MAST3: variants seen among roughly 807,000 people sequenced by gnomAD.
MAST3 encodes microtubule associated serine/threonine kinase 3, also known as microtubule-associated serine/threonine-protein kinase 3.
Under a neutral mutation model 127.0 loss-of-function variants are expected in MAST3, and 43 were observed. That is an observed-to-expected ratio of 0.34 (90% CI 0.27 to 0.44). The LOEUF (loss-of-function observed/expected upper bound fraction) is 0.44, where lower values mean the gene tolerates loss of function less well. Ranked by LOEUF, MAST3 falls within the 20% of genes least tolerant of loss-of-function variation. The probability of loss-of-function intolerance (pLI) is 1.00; values close to 1 mark genes in which losing one functional copy is unlikely to be tolerated. For synonymous variants in MAST3, 785 were observed against 809.2 expected (o/e 0.97, Z 0.51); for missense variants, 1,390 against 1,919.1 (o/e 0.72, Z 5.15).
intron 1 of MAST3, among the ~76,000 whole-genome samples, chr19:18,100,579 T>A (rs1276186554): frequency 6.6e-6 from 1 of 152,160 alleles, no homozygotes; most frequent in African/African-American, 2.4e-5. Flanking sequence ...ATTAACAGGC[T>A]AAGCCCTCTC....
rs1017386646 is a variant in MAST3, at chr19:18,118,355, T to A, written c.162-3330T>A. On this transcript the variant is annotated intron_variant, in intron 3 of 27. Coordinates refer to ENST00000687212, the MANE Select transcript of MAST3 (RefSeq NM_001393504.1). ...CGTGGCGCGGACCACGGCGAGCGTC[T>A]GTCTGTGGCAGCAGTGGGAAGGGGG... 3 of 695,818 alleles carry A rather than the reference T, an allele frequency of 4.3e-6. No homozygotes were observed. In the African/African-American group the frequency reaches 5.8e-5, roughly 13 times the overall value. 43.1% of individuals were successfully genotyped at this position (695,818 alleles called of 1,614,324 possible).
rs758174390 is a variant in MAST3 at position 18,131,970 on chromosome 19, G to C, written c.1494G>C (p.Leu498=). Residue 498 remains leucine, a synonymous_variant, in exon 15 of 28, where the codon CTG becomes CTC. Transcript: ENST00000687212. ...MGPLPVDMAR[L]YFAETVLALE... is the part of the protein sequence containing the mutation. ...CGCTGCCCGTGGACATGGCCCGCCT[G>C]TACTTCGCCGAGACGGTGTTGGCGC... 3 of 1,613,934 alleles carry C rather than the reference G, an allele frequency of 1.9e-6. No individual in the cohort carries two copies. Among genetic ancestry groups the C allele is most frequent in the African/African-American group, 1.3e-5 (1 of 74,950 alleles).
intron 20 of MAST3, among the ~76,000 whole-genome samples, chr19:18,139,969 G>A (rs1393784662): frequency 2.7e-5 from 4 of 149,594 alleles, no homozygotes; most frequent in South Asian, 2.1e-4. Context: ...ACAGGTGCCC[G>A]CCACCACGCC....
intron 19 of MAST3, 70 bp downstream of exon 19, chr19:18,137,431 G>C: frequency 6.5e-7 from 1 of 1,533,544 alleles, no homozygotes; most frequent in South Asian, 1.2e-5. Flanking sequence ...GGGGCAGAGG[G>C]CTGTGTGCCA....
chr19:18,100,212 C>A (rs982373096), intron 1 of MAST3, among the ~76,000 whole-genome samples: 6 of 151,028 alleles, frequency 4.0e-5, no homozygotes, highest in Non-Finnish European at 8.8e-5. Flanking sequence ...GCAACCTCCA[C>A]CTCCCGGGTT....
intron 11 of MAST3, among the ~76,000 whole-genome samples, chr19:18,125,830 C>G (rs1195458487): frequency 6.6e-6 from 1 of 151,556 alleles, no homozygotes; most frequent in African/African-American, 2.4e-5. Context: ...GAGACTGAGG[C>G]GGGTGGATCA....
chr19:18,103,501 G>T (rs1203355088), intron 1 of MAST3, among the ~76,000 whole-genome samples: 1 of 152,020 alleles, frequency 6.6e-6, no homozygotes, highest in Non-Finnish European at 1.5e-5. Context: ...TCGCACCATT[G>T]CCCTCCAGCC....
chr19:18,129,113 C>T (rs2040979453), intron 13 of MAST3, 162 bp downstream of exon 13: 8 of 653,108 alleles, frequency 1.2e-5, no homozygotes, highest in African/African-American at 3.6e-5. Context: ...AGTGGAGACA[C>T]GCCATAGCGA....
chr19:18,130,749 C>T (rs376718917), intron 14 of MAST3, 47 bp downstream of exon 14: 2 of 1,571,884 alleles, frequency 1.3e-6, no homozygotes, highest in Admixed American at 1.8e-5. Context: ...GGAGCTCACC[C>T]CTCCACGCCT....
In MAST3 at chr19:18,110,746, G is replaced by A. The variant is rs552238957; in HGVS notation, c.161+5G>A. The A allele has an allele frequency of 1.0e-6, 1 of 984,862 alleles. No individual in the cohort carries two copies. The highest frequency in any genetic ancestry group is 4.7e-5 in the South Asian group (1 of 21,276). 61.0% of individuals were successfully genotyped at this position (984,862 alleles called of 1,614,324 possible). On this transcript the variant is annotated splice_donor_5th_base_variant and intron_variant, in intron 3 of 27. Transcript: ENST00000687212. This position sits in a 1 kb window ranked among gnomAD's most constrained non-coding sequence, Gnocchi z 4.3. Reference sequence around the variant, plus strand: ...CTTGGGCCTGCACCCCTGGAGGTAAGTGACAGCGCGTGTGGGCGGGGCGCA... The same window carrying A: ...CTTGGGCCTGCACCCCTGGAGGTAAATGACAGCGCGTGTGGGCGGGGCGCA...
Position 18,145,611 on chromosome 19 carries a change from C to T in MAST3, c.3040-132C>T. On this transcript the variant is annotated intron_variant, in intron 24 of 27. Transcript: ENST00000687212. This position sits in a 1 kb window ranked among gnomAD's most constrained non-coding sequence, Gnocchi z 5.9. ...GCTTTGATGGGTGAGTAGGAGTTCC[C>T]CCAGGATCAGGGAAACTGAGACAGC... is the stretch of plus-strand genomic sequence containing the variant. 2 of 1,153,510 alleles carry T rather than the reference C, an allele frequency of 1.7e-6. No homozygotes were observed. The highest frequency in any genetic ancestry group is 1.2e-6 in the Non-Finnish European group (1 of 845,724). 71.5% of individuals were successfully genotyped at this position (1,153,510 alleles called of 1,614,324 possible).
chr19:18,130,065 C>T (rs1483966534), intron 13 of MAST3, among the ~76,000 whole-genome samples: 3 of 152,030 alleles, frequency 2.0e-5, no homozygotes, highest in South Asian at 2.1e-4. Context: ...GCCTCCACAA[C>T]ATAGCGAGAC....
chr19:18,143,682 TAA>T, intron 21 of MAST3, 79 bp from the exon 22 acceptor site: 2 of 1,560,506 alleles, frequency 1.3e-6, no homozygotes, highest in Non-Finnish European at 1.7e-6. Flanking sequence ...GACTGAGAGT[TAA>T]GATGTGGCCA....
rs745567585 is a variant in MAST3, at chr19:18,139,073, A to G, written c.2154A>G (p.Glu718=). Residue 718 remains glutamate (E), a synonymous_variant, in exon 20 of 28, where the codon GAA becomes GAG. Transcript: ENST00000687212. ...AGGACGACGAGACCAATGATGAAGA[A>G]TCGTCCACAGAGATCCCCCAGTTCT... ...GSEDDETNDE[E]SSTEIPQFSS... 2 of 1,605,416 alleles carry G rather than the reference A, an allele frequency of 1.2e-6. No individual in the cohort carries two copies. The highest frequency in any genetic ancestry group is 8.5e-7 in the Non-Finnish European group (1 of 1,176,136).
At position 18,150,788 on chromosome 19, in the gene MAST3, G is replaced by A. The variant is rs2043475815; in HGVS notation, c.*1062G>A. On this transcript the variant is annotated 3_prime_UTR_variant, in exon 28 of 28. Coordinates refer to ENST00000687212, the MANE Select transcript of MAST3 (RefSeq NM_001393504.1). ...GGTGTTCACCGGATCTGGGCAGAGG[G>A]GTCATCCGCTCCCCAGGTGGGCACT... is the stretch of plus-strand genomic sequence containing the variant. 1 of 152,280 alleles carries A rather than the reference G, an allele frequency of 6.6e-6. No individual in the cohort carries two copies. The highest frequency in any genetic ancestry group is 2.4e-5 in the African/African-American group (1 of 41,460). 9.4% of individuals were successfully genotyped at this position (152,280 alleles called of 1,614,324 possible).
chr19:18,117,602 G>A (rs952152045), intron 3 of MAST3, among the ~76,000 whole-genome samples: 2 of 152,188 alleles, frequency 1.3e-5, no homozygotes, highest in Non-Finnish European at 2.9e-5. Flanking sequence ...TAGATTCCAA[G>A]CAGTGGGGCC....
At chr19:18,130,354 G>A (rs2041142988) in intron 13 of MAST3, 140 bp from the exon 14 acceptor site, 3 of 723,702 alleles carry the variant, frequency 4.1e-6, no homozygotes, top group Non-Finnish European at 6.9e-6. Flanking sequence ...AGGGGGAACA[G>A]GTAAGGAGAA....
chr19:18,124,536 A>G, intron 10 of MAST3, 106 bp from the exon 11 acceptor site: 1 of 1,434,668 alleles, frequency 7.0e-7, no homozygotes, highest in Non-Finnish European at 9.4e-7. Context: ...GGGAGTGGAG[A>G]CCCAGTGGGT....
chr19:18,140,935 A>G (rs543156795), intron 20 of MAST3, among the ~76,000 whole-genome samples: 6 of 152,106 alleles, frequency 3.9e-5, no homozygotes, highest in Admixed American at 3.3e-4. Context: ...CTGGGATTAC[A>G]GGTGCGCGCC....
Sources: gnomAD v4.1 joint callset for allele counts (sites outside exome capture counted in the v4.1 genomes callset) on GRCh38, gnomAD v4.1.1 for gene constraint, Gnocchi (gnomAD v3.1) non-coding constraint, MANE v1.5 for transcripts, NCBI Gene and HGNC (gene_info 2026-07-23, HGNC 2026-07-21) for gene names.